Variants in OSBPL9 observed in about 807,000 individuals in gnomAD.
The protein encoded by OSBPL9 is oxysterol-binding protein-related protein 9.
Under a neutral mutation model 106.6 loss-of-function variants are expected in OSBPL9, and 40 were observed. That is an observed-to-expected ratio of 0.38 (90% CI 0.29 to 0.49). OSBPL9 has a LOEUF of 0.49. Among genes scored for constraint, OSBPL9 ranks in the 20% least tolerant of loss-of-function variants. OSBPL9 has a pLI of 0.97. For missense variants in OSBPL9, 609 were observed against 887.2 expected, an observed-to-expected ratio of 0.69 and a Z score of 3.98; for synonymous variants, 269 against 295.4, an observed-to-expected ratio of 0.91 and a Z score of 0.92.
At chr1:51,638,024 A>G (rs953655051) in intron 1 of OSBPL9, among the ~76,000 whole-genome samples, 2 of 152,264 alleles carry the variant, frequency 1.3e-5, no homozygotes, top group South Asian at 2.1e-4. Flanking sequence ...AGGCTGTTCC[A>G]TCTCTTAAAG....
chr1:51,554,462 G>A, the OSBPL9 span, among the ~76,000 whole-genome samples: 5 of 152,268 alleles, frequency 3.3e-5, no homozygotes, highest in East Asian at 3.9e-4. Context: ...CAAAGGCTGC[G>A]GATGACTTTG....
In OSBPL9 at chr1:51,706,444, C is replaced by G. The variant is rs141973650; in HGVS notation, c.242-7559C>G. Among the ~76,000 whole-genome samples, 968 of 152,158 alleles carry G rather than the reference C, an allele frequency of 6.4e-3. 7 individuals are homozygous for G. Among genetic ancestry groups the G allele is most frequent in the Non-Finnish European group, 0.011 (757 of 68,000 alleles). ...CTTTCTTATTCATGGCATTAATGATCTGTGCCATCATGTTTGTGTTGTCTT... is the reference window on the plus strand; with the variant it reads ...CTTTCTTATTCATGGCATTAATGATGTGTGCCATCATGTTTGTGTTGTCTT... On this transcript the variant is annotated intron_variant, in intron 3 of 23. Transcript: ENST00000428468.
intron 2 of OSBPL9, among the ~76,000 whole-genome samples, chr1:51,654,673 A>G (rs899120523): frequency 6.6e-6 from 1 of 152,210 alleles, no homozygotes; most frequent in African/African-American, 2.4e-5. Flanking sequence ...CCATCCACTG[A>G]TGAATGGATA....
At chr1:51,562,544 T>G in the OSBPL9 span, among the ~76,000 whole-genome samples, 1 of 152,194 alleles carries the variant, frequency 6.6e-6, no homozygotes, top group South Asian at 2.1e-4. Flanking sequence ...ATGAGGCAGT[T>G]GTGTATTAGA....
At chr1:51,691,492 A>G (rs1158443582) in intron 3 of OSBPL9, among the ~76,000 whole-genome samples, 1 of 151,086 alleles carries the variant, frequency 6.6e-6, no homozygotes, top group Non-Finnish European at 1.5e-5. Context: ...CCTAATGTAC[A>G]CCTAAGGCTG....
At chr1:51,532,468 G>A in the OSBPL9 span, among the ~76,000 whole-genome samples, 1 of 151,646 alleles carries the variant, frequency 6.6e-6, no homozygotes, top group African/African-American at 2.4e-5. Context: ...TGAGAGGGAG[G>A]AAAAAGGAGA....
the OSBPL9 span, among the ~76,000 whole-genome samples, chr1:51,529,789 A>T: frequency 6.6e-6 from 1 of 150,964 alleles, no homozygotes; most frequent in Non-Finnish European, 1.5e-5. Flanking sequence ...ACGTCATACC[A>T]GATGCCAAAA....
At chr1:51,612,229 TA>T (rs1483522994), upstream of OSBPL9, among the ~76,000 whole-genome samples, 2 of 152,246 alleles carry the variant, frequency 1.3e-5, no homozygotes, top group Non-Finnish European at 2.9e-5. Context: ...ATTAGCTTTT[TA>T]AAACTCTCTT....
chr1:51,576,766 A>G (rs1487973219), upstream of OSBPL9, among the ~76,000 whole-genome samples: 4 of 152,142 alleles, frequency 2.6e-5, no homozygotes, highest in African/African-American at 4.8e-5. Flanking sequence ...GGCTCAAGCG[A>G]TCCTACTTCC....
upstream of OSBPL9, among the ~76,000 whole-genome samples, chr1:51,575,929 C>G (rs540831190): frequency 2.9e-4 from 44 of 152,278 alleles, no homozygotes; most frequent in Non-Finnish European, 5.7e-4. Context: ...TAACCCTTAT[C>G]TCCCTCATCA....
intron 1 of OSBPL9, among the ~76,000 whole-genome samples, chr1:51,617,612 GC>G (rs913629529): frequency 2.4e-4 from 36 of 152,102 alleles, no homozygotes; most frequent in Admixed American, 2.0e-3. Flanking sequence ...TCCCACCAAG[GC>G]CCTGTAGCCG....
chr1:51,533,502 A>C, the OSBPL9 span, among the ~76,000 whole-genome samples: 1 of 150,462 alleles, frequency 6.6e-6, no homozygotes. Flanking sequence ...AAAAAAAAAA[A>C]GAAAGAAAGA....
chr1:51,725,625 A>T (rs1476069581), intron 4 of OSBPL9, among the ~76,000 whole-genome samples: 2 of 152,218 alleles, frequency 1.3e-5, no homozygotes, highest in Non-Finnish European at 2.9e-5. Flanking sequence ...TCAACTTCAC[A>T]TGTGCTTCTC....
intron 15 of OSBPL9, among the ~76,000 whole-genome samples, chr1:51,778,724 C>T (rs1403269320): frequency 6.6e-6 from 1 of 152,130 alleles, no homozygotes; most frequent in Non-Finnish European, 1.5e-5. Flanking sequence ...CCTTCACCAC[C>T]TCCCCGCCCC....
rs1411075742 is a variant in OSBPL9 at position 51,690,474 on chromosome 1, T to C, written c.241+20962T>C. ...CATTTTATCTGACAGTTTTGGAGACTTCAGCTAAAACTATTCATAAATTGT... is the reference window on the plus strand; with the variant it reads ...CATTTTATCTGACAGTTTTGGAGACCTCAGCTAAAACTATTCATAAATTGT... On this transcript the variant is annotated intron_variant, in intron 3 of 23. Coordinates refer to ENST00000428468, the MANE Select transcript of OSBPL9 (RefSeq NM_024586.6). 2.0e-5 allele frequency among the ~76,000 whole-genome samples: 3 copies of C among 152,200 alleles called. 1 individual carries two copies. Among genetic ancestry groups the C allele is most frequent in the African/African-American group, 7.2e-5 (3 of 41,458 alleles).
intron 1 of OSBPL9, among the ~76,000 whole-genome samples, chr1:51,593,819 T>G (rs1645287661): frequency 6.6e-6 from 1 of 151,842 alleles, no homozygotes; most frequent in African/African-American, 2.4e-5. Context: ...CAGGGATCCA[T>G]GGTGGAATGT....
chr1:51,601,740 T>A (rs754604762), intron 2 of OSBPL9, among the ~76,000 whole-genome samples: 14 of 152,184 alleles, frequency 9.2e-5, no homozygotes, highest in Admixed American at 5.2e-4. Context: ...CTTCTTACCT[T>A]CCTAGGAAGA....
rs1663924137 is a variant in OSBPL9 at position 51,729,833 on chromosome 1, GT to G, written c.319-15702del. 1.6e-6 allele frequency: 2 copies of G among 1,245,262 alleles called. No individual in the cohort carries two copies. The highest frequency in any genetic ancestry group is 2.0e-6 in the Non-Finnish European group (2 of 987,694). The allele number at this position is 1,245,262 out of a possible 1,614,324, so 77.1% of individuals were successfully genotyped here. ...GGGGGGTGAAGGGGGTGAAGGGGGT[GT>G]CCCGGGGGACGGGCTGAACCTCAGT... On this transcript the variant is annotated intron_variant, in intron 4 of 23. Transcript: ENST00000428468. This position sits in a 1 kb window ranked among gnomAD's most constrained non-coding sequence, Gnocchi z 5.1.
intron 3 of OSBPL9, chr1:51,707,310 G>T: frequency 4.9e-6 from 1 of 205,908 alleles, no homozygotes; most frequent in Non-Finnish European, 1.0e-5. Flanking sequence ...AGACACCCGG[G>T]TGTTCAGTAT....
Sources: allele counts gnomAD v4.1 joint callset (sites outside exome capture counted in the v4.1 genomes callset), GRCh38; gene constraint gnomAD v4.1.1; non-coding constraint Gnocchi (gnomAD v3.1); transcripts MANE v1.5; gene names NCBI Gene and HGNC (gene_info 2026-07-23, HGNC 2026-07-21).